DNAJB1: variants seen among roughly 807,000 people sequenced by gnomAD.
The protein encoded by DNAJB1 is dnaJ homolog subfamily B member 1.
Under a neutral mutation model 24.0 loss-of-function variants are expected in DNAJB1, and 14 were observed. The observed-to-expected ratio is 0.58, with a 90% confidence interval of 0.39 to 0.91. DNAJB1 has a LOEUF of 0.91. Among genes scored for constraint, DNAJB1 ranks in the 40% least tolerant of loss-of-function variants. The probability of loss-of-function intolerance (pLI) is 0.00; values close to 1 mark genes in which losing one functional copy is unlikely to be tolerated. For missense variants in DNAJB1, 517 were observed against 458.1 expected (o/e 1.13, Z -1.17); for synonymous variants, 262 against 174.4 (o/e 1.50, Z -3.96).
rs73927063 is a variant in DNAJB1 at position 14,558,480 on chromosome 19, G to A, written c.-2166+1551C>T. ...TGGCTCTGCCCTGACCTCGTGCTGC[G>A]ACGAGTTGCTGTTGGCTGGGCCCCG... On this transcript the variant is annotated intron_variant, in intron 1 of 5. Coordinates refer to the DNAJB1 transcript ENST00000679223. Among the ~76,000 whole-genome samples the A allele has an allele frequency of 3.3e-4, 51 of 152,242 alleles. No homozygotes were observed. The South Asian group carries it at 6.2e-3, about 19-fold the overall frequency.
upstream of DNAJB1, among the ~76,000 whole-genome samples, chr19:14,518,611 C>G (rs997997266): frequency 6.6e-6 from 1 of 152,132 alleles, no homozygotes; most frequent in Non-Finnish European, 1.5e-5. Context: ...GGCAACACCT[C>G]CCCGCGGCGC....
At chr19:14,542,717 T>C (rs2073146054) in intron 1 of DNAJB1, among the ~76,000 whole-genome samples, 1 of 152,104 alleles carries the variant, frequency 6.6e-6, no homozygotes, top group Non-Finnish European at 1.5e-5. Context: ...TTCTGAGAAG[T>C]GTACCGTGGA....
intron 1 of DNAJB1, among the ~76,000 whole-genome samples, chr19:14,543,412 TATATATA>T (rs1406027302): frequency 2.3e-3 from 23 of 10,060 alleles, no homozygotes; most frequent in Non-Finnish European, 3.2e-3. Flanking sequence ...TATATATATA[TATATATA>T]TTTTTTTTTT....
At chr19:14,542,347 G>GTTTTTTTTGTTTTTTTTTTTTTTTTT (rs2073126138) in intron 1 of DNAJB1, among the ~76,000 whole-genome samples, 1 of 43,282 alleles carries the variant, frequency 2.3e-5, no homozygotes, top group African/African-American at 8.1e-5. Context: ...ATGCCATAGT[G>GTTTTTTTTGTTTTTTTTTTTTTTTTT]TTTTTTTTTT....
At chr19:14,519,106 G>A (rs1469852872), upstream of DNAJB1, among the ~76,000 whole-genome samples, 1 of 152,180 alleles carries the variant, frequency 6.6e-6, no homozygotes, top group Non-Finnish European at 1.5e-5. Context: ...GGTGGCTCAC[G>A]CCTGTAATCC....
chr19:14,536,194 G>T (rs1441842351), intron 1 of DNAJB1, among the ~76,000 whole-genome samples: 1 of 151,978 alleles, frequency 6.6e-6, no homozygotes, highest in Non-Finnish European at 1.5e-5. Context: ...TTGGATCAGT[G>T]CTAGGCTCAT....
intron 1 of DNAJB1, 109 bp downstream of exon 1, chr19:14,518,030 C>G (rs544829110): frequency 3.2e-4 from 392 of 1,218,802 alleles, no homozygotes; most frequent in Middle Eastern, 1.5e-3. Context: ...GGCAGCTCGG[C>G]CCCACGGCCC....
chr19:14,538,153 TGA>T (rs1339581782), intron 1 of DNAJB1, among the ~76,000 whole-genome samples: 1 of 152,186 alleles, frequency 6.6e-6, no homozygotes, highest in Non-Finnish European at 1.5e-5. Context: ...GCACAGAAAG[TGA>T]AGCGACTTGT....
At chr19:14,530,018 T>C, upstream of DNAJB1, 1 of 511,976 alleles carries the variant, frequency 2.0e-6, no homozygotes, top group Non-Finnish European at 3.6e-6. Context: ...GACTTTGTCA[T>C]GGGAGCCACG....
intron 2 of DNAJB1, 107 bp from the exon 3 acceptor site, chr19:14,516,277 G>C (rs1398483412): frequency 1.5e-6 from 2 of 1,368,736 alleles, no homozygotes; most frequent in Non-Finnish European, 2.0e-6. Flanking sequence ...CTGCAGCTAA[G>C]ACCTGGCCCC....
intron 1 of DNAJB1, among the ~76,000 whole-genome samples, chr19:14,558,142 A>AT (rs1216885546): frequency 6.6e-6 from 1 of 152,158 alleles, no homozygotes; most frequent in Non-Finnish European, 1.5e-5. Flanking sequence ...CCACTTTGCC[A>AT]TGAGTAGATG....
At chr19:14,545,392 T>TGGCCCTCTG (rs1555732427) in intron 1 of DNAJB1, among the ~76,000 whole-genome samples, 2,522 of 152,342 alleles carry the variant, frequency 0.017, 49 homozygotes, top group South Asian at 0.082. Flanking sequence ...ACACCCACTG[T>TGGCCCTCTG]GGCCCTCTGG....
chr19:14,517,037 C>G lies in DNAJB1; in HGVS notation c.221G>C (p.Gly74Ala), dbSNP rs1263079262. 6.2e-7 allele frequency: 1 copy of G among 1,605,160 alleles called. No homozygotes were observed. The highest frequency in any genetic ancestry group is 8.5e-7 in the Non-Finnish European group (1 of 1,175,802). The change falls in exon 2 of 3, where the codon GGG becomes GCG. Residue 74 changes from glycine to alanine, a missense_variant. Physicochemically the swap from Gly to Ala is moderately conservative, Grantham distance 60. Coordinates refer to ENST00000254322, the MANE Select transcript of DNAJB1 (RefSeq NM_006145.3). ...GCCGCTACCGCCACTGGGGCCACTC[C>G]CCTTTAGGCCTGAAAAGCAGATTTA... Reference protein sequence around the residue: ...FDRYGEEGLKGSGPSGGSGGG... With the variant: ...FDRYGEEGLKASGPSGGSGGG...
chr19:14,556,191 C>T (rs1568420839), intron 1 of DNAJB1, among the ~76,000 whole-genome samples: 1 of 152,192 alleles, frequency 6.6e-6, no homozygotes, highest in Non-Finnish European at 1.5e-5. Flanking sequence ...CCTTCCTGCT[C>T]AGCCACGCTA....
At chr19:14,529,417 T>C (rs1217278137), upstream of DNAJB1, 4 of 600,894 alleles carry the variant, frequency 6.7e-6, no homozygotes, top group Non-Finnish European at 1.2e-5. Flanking sequence ...TAGCCCCTCC[T>C]ACAGGCGTTC....
intron 1 of DNAJB1, among the ~76,000 whole-genome samples, chr19:14,544,033 G>A (rs1189884684): frequency 6.6e-6 from 1 of 152,014 alleles, no homozygotes; most frequent in Non-Finnish European, 1.5e-5. Context: ...CCAACGTGCC[G>A]GGCCTGGAGA....
At chr19:14,521,007 A>C (rs1047559128), upstream of DNAJB1, among the ~76,000 whole-genome samples, 2 of 152,164 alleles carry the variant, frequency 1.3e-5, no homozygotes, top group South Asian at 2.1e-4. Context: ...TAAAAAAATT[A>C]TATAAATAAC....
upstream of DNAJB1, chr19:14,533,982 C>A (rs935503434): frequency 1.3e-5 from 2 of 152,130 alleles, no homozygotes; most frequent in African/African-American, 4.8e-5. Flanking sequence ...ACAGCTACTA[C>A]ATCTTGTAAT....
intron 1 of DNAJB1, chr19:14,545,142 G>A (rs1317566168): frequency 6.6e-6 from 3 of 456,558 alleles, no homozygotes; most frequent in Non-Finnish European, 8.8e-6. Context: ...AGAAACCAAA[G>A]CAGCCTGTGG....
Sources: allele counts gnomAD v4.1 joint callset (sites outside exome capture counted in the v4.1 genomes callset), GRCh38; gene constraint gnomAD v4.1.1; transcripts MANE v1.5; gene names NCBI Gene and HGNC (gene_info 2026-07-23, HGNC 2026-07-21).